ROBO2: variants seen among roughly 807,000 people sequenced by gnomAD.
ROBO2 encodes roundabout homolog 2.
A neutral mutation model predicts 160.8 loss-of-function variants in ROBO2; 53 were observed. That is an observed-to-expected ratio of 0.33 (90% CI 0.26 to 0.41). ROBO2 has a LOEUF of 0.41. ROBO2 is among the 10% of genes least tolerant of loss of function. The pLI is 1.00. For missense variants in ROBO2, 1,577 were observed against 1,722.4 expected, an observed-to-expected ratio of 0.92 and a Z score of 1.49; for synonymous variants, 664 against 611.7, an observed-to-expected ratio of 1.09 and a Z score of -1.26.
intron 2 of ROBO2, among the ~76,000 whole-genome samples, chr3:76,982,963 A>AT (rs1209445134): frequency 6.6e-6 from 1 of 152,186 alleles, no homozygotes; most frequent in African/African-American, 2.4e-5. Flanking sequence ...AAAACTTAGC[A>AT]TAGCTATTTA....
chr3:76,837,159 G>A (rs2067776189), intron 2 of ROBO2, among the ~76,000 whole-genome samples: 1 of 151,842 alleles, frequency 6.6e-6, no homozygotes, highest in Non-Finnish European at 1.5e-5. Flanking sequence ...TTCATTTACA[G>A]TTGAAGCAAT....
Position 76,596,617 on chromosome 3 carries a change from C to A in ROBO2, c.110-501397C>A, listed in dbSNP as rs547399311. ...CTTCAAAACAAATTTTTGCCTCACT[C>A]CCACTGGCACTTGACTGAAGCTACT... On this transcript the variant is annotated intron_variant, in intron 2 of 26. Transcript: ENST00000487694. Among the ~76,000 whole-genome samples, 6 of 152,174 alleles carry A rather than the reference C, an allele frequency of 3.9e-5. No individual in the cohort carries two copies. The East Asian group carries it at 1.2e-3, about 29-fold the overall frequency.
chr3:76,760,896 A>C (rs1476066633), intron 2 of ROBO2, among the ~76,000 whole-genome samples: 2 of 151,612 alleles, frequency 1.3e-5, no homozygotes, highest in African/African-American at 2.4e-5. Flanking sequence ...AATATGGTAC[A>C]TTTATTGTTC....
rs572703418 is a variant in ROBO2, at chr3:76,735,428, G to T, written c.110-362586G>T. ...CAAGACAGGAACAATGGTCACTGAG[G>T]ATTATTTAGAGGGGGAGGAAGGCAG... On this transcript the variant is annotated intron_variant, in intron 2 of 26. Coordinates refer to the ROBO2 transcript ENST00000487694. 2.6e-5 allele frequency among the ~76,000 whole-genome samples: 4 copies of T among 152,216 alleles called. No homozygotes were observed. The South Asian group carries it at 6.2e-4, about 24-fold the overall frequency.
intron 2 of ROBO2, among the ~76,000 whole-genome samples, chr3:76,228,470 C>T (rs921892066): frequency 4.8e-4 from 64 of 133,192 alleles, no homozygotes; most frequent in African/African-American, 1.7e-3. Context: ...TACAGACAGA[C>T]AGTTTTTTGG....
intron 2 of ROBO2, among the ~76,000 whole-genome samples, chr3:77,199,620 A>ATTTTTTTTTTTTTTTT (rs66672194): frequency 1.7e-5 from 2 of 118,196 alleles, no homozygotes; most frequent in Non-Finnish European, 1.7e-5. Flanking sequence ...CTCAGTCACC[A>ATTTTTTTTTTTTTTTT]TTTTTTTTTT....
chr3:76,773,111 G>A (rs997020400), intron 2 of ROBO2, among the ~76,000 whole-genome samples: 1 of 150,994 alleles, frequency 6.6e-6, no homozygotes, highest in Admixed American at 6.6e-5. Flanking sequence ...TCCATGTAAA[G>A]AGAAGTGCAA....
intron 2 of ROBO2, among the ~76,000 whole-genome samples, chr3:76,662,145 A>C (rs1487998394): frequency 6.6e-6 from 1 of 152,092 alleles, no homozygotes; most frequent in Admixed American, 6.6e-5. Flanking sequence ...TTTTAAGTTA[A>C]CTTTGGAGGC....
intron 14 of ROBO2, 60 bp downstream of exon 15, chr3:77,574,790 C>A: frequency 8.2e-7 from 1 of 1,221,528 alleles, no homozygotes; most frequent in Non-Finnish European, 1.2e-6. Context: ...TGTTACAGTA[C>A]CTATTTGTTA....
chr3:76,806,773 G>T (rs1025303791), intron 2 of ROBO2, among the ~76,000 whole-genome samples: 4 of 151,970 alleles, frequency 2.6e-5, no homozygotes, highest in African/African-American at 9.7e-5. Context: ...TCTCTAAGTT[G>T]CACTATATAG....
At chr3:76,238,334 C>G (rs764482465) in intron 2 of ROBO2, among the ~76,000 whole-genome samples, 4 of 152,118 alleles carry the variant, frequency 2.6e-5, no homozygotes, top group African/African-American at 9.7e-5. Context: ...GACTTCTTCA[C>G]GTGGTAGCAG....
intron 2 of ROBO2, among the ~76,000 whole-genome samples, chr3:76,973,884 C>T (rs1365835874): frequency 1.3e-5 from 2 of 152,160 alleles, no homozygotes; most frequent in East Asian, 1.9e-4. Context: ...ATCTGATAAG[C>T]TGCCTCTCTG....
At chr3:76,273,948 T>C (rs1559708495) in intron 2 of ROBO2, among the ~76,000 whole-genome samples, 1 of 152,086 alleles carries the variant, frequency 6.6e-6, no homozygotes, top group Non-Finnish European at 1.5e-5. Flanking sequence ...TCTTGCTAAG[T>C]TATCACATAG....
intron 2 of ROBO2, among the ~76,000 whole-genome samples, chr3:76,944,765 T>C (rs577604898): frequency 6.6e-6 from 1 of 152,264 alleles, no homozygotes; most frequent in East Asian, 1.9e-4. Context: ...ATTAGAATTA[T>C]CAGAATTGTA....
At chr3:76,655,700 ACAAG>A (rs1380250837) in intron 2 of ROBO2, among the ~76,000 whole-genome samples, 7 of 148,124 alleles carry the variant, frequency 4.7e-5, no homozygotes, top group Admixed American at 1.4e-4. Flanking sequence ...AGGCAGGCAG[ACAAG>A]CAGGAAAGGG....
At chr3:77,635,154 C>T (rs2095242424) in intron 24 of ROBO2, 111 bp downstream of exon 25, 3 of 1,212,608 alleles carry the variant, frequency 2.5e-6, no homozygotes, top group Admixed American at 2.1e-5. Context: ...CATTACATAA[C>T]AAGACAAAAA....
intron 2 of ROBO2, among the ~76,000 whole-genome samples, chr3:76,008,688 G>A (rs1426463114): frequency 4.0e-5 from 6 of 151,798 alleles, no homozygotes; most frequent in Admixed American, 3.9e-4. Flanking sequence ...ATTGTAAGAA[G>A]TTAGAATCCT....
chr3:76,390,345 A>G (rs992926147), intron 2 of ROBO2, among the ~76,000 whole-genome samples: 1 of 152,134 alleles, frequency 6.6e-6, no homozygotes, highest in Non-Finnish European at 1.5e-5. Context: ...TTAATATAAT[A>G]ACTATATATA....
intron 2 of ROBO2, among the ~76,000 whole-genome samples, chr3:77,399,723 C>T (rs1017944757): frequency 2.6e-5 from 4 of 152,020 alleles, no homozygotes; most frequent in Non-Finnish European, 4.4e-5. Context: ...TCACATGGTG[C>T]CTGTGTATGG....
Sources: allele counts gnomAD v4.1 joint callset (sites outside exome capture counted in the v4.1 genomes callset), GRCh38; gene constraint gnomAD v4.1.1; transcripts MANE v1.5; gene names NCBI Gene and HGNC (gene_info 2026-07-23, HGNC 2026-07-21).